The following PCDH15 variants were observed in gnomAD, a reference collection of about 807,000 sequenced individuals.
PCDH15 encodes the protein protocadherin related 15.
Under a neutral mutation model 178.5 loss-of-function variants are expected in PCDH15, and 129 were observed. The ratio of observed to expected loss-of-function variants is 0.72; its 90% CI spans 0.63 to 0.84. PCDH15 has a LOEUF of 0.84. PCDH15 is among the 40% of genes least tolerant of loss of function. The probability of loss-of-function intolerance (pLI) is 0.00; values close to 1 mark genes in which losing one functional copy is unlikely to be tolerated. For synonymous variants in PCDH15, 800 were observed against 732.0 expected, an observed-to-expected ratio of 1.09 and a Z score of -1.50; for missense variants, 2,230 against 2,099.9, an observed-to-expected ratio of 1.06 and a Z score of -1.21.
chr10:54,042,047 T>A (rs1014109509), intron 18 of PCDH15, among the ~76,000 whole-genome samples: 3 of 152,064 alleles, frequency 2.0e-5, no homozygotes, highest in African/African-American at 4.8e-5. Context: ...GCATAATGAC[T>A]TAGATTCAGG....
intron 3 of PCDH15, among the ~76,000 whole-genome samples, chr10:54,524,453 C>A (rs16906240): frequency 0.18 from 26,872 of 152,068 alleles, 2,658 homozygotes; most frequent in East Asian, 0.31. Context: ...ATGAGTGGTT[C>A]CAAAGTATGT....
At chr10:54,303,641 T>C (rs1462239982) in intron 8 of PCDH15, among the ~76,000 whole-genome samples, 5 of 152,118 alleles carry the variant, frequency 3.3e-5, no homozygotes, top group Non-Finnish European at 7.4e-5. Context: ...TAATCAGGTA[T>C]ACACTCTGTA....
intron 25 of PCDH15, among the ~76,000 whole-genome samples, chr10:53,921,428 T>G (rs759737126): frequency 1.3e-5 from 2 of 152,126 alleles, no homozygotes; most frequent in Non-Finnish European, 2.9e-5. Context: ...ACTTCCTCCT[T>G]TATTTTGGCC....
chr10:54,872,345 C>T (rs1220841961), intron 3 of PCDH15, among the ~76,000 whole-genome samples: 3 of 151,898 alleles, frequency 2.0e-5, no homozygotes, highest in African/African-American at 7.2e-5. Flanking sequence ...TGCATAGAAA[C>T]ATTCTGAAAA....
chr10:54,646,420 G>T (rs1213160621), intron 2 of PCDH15, among the ~76,000 whole-genome samples: 4 of 152,046 alleles, frequency 2.6e-5, no homozygotes, highest in Non-Finnish European at 5.9e-5. Context: ...TTTATCCCCA[G>T]AACTTAGCAC....
chr10:54,293,076 G>A (rs2059524459), intron 8 of PCDH15, among the ~76,000 whole-genome samples: 1 of 152,134 alleles, frequency 6.6e-6, no homozygotes, highest in Admixed American at 6.5e-5. Context: ...ATACCACAAA[G>A]CTACAGTAAC....
chr10:54,699,636 C>A (rs1334006015), intron 1 of PCDH15, among the ~76,000 whole-genome samples: 2 of 151,856 alleles, frequency 1.3e-5, no homozygotes, highest in Admixed American at 6.6e-5. Flanking sequence ...AGACTGTTAG[C>A]CTTAAGGACA....
chr10:55,096,563 C>T (rs1329640355), intron 2 of PCDH15, among the ~76,000 whole-genome samples: 2 of 152,034 alleles, frequency 1.3e-5, no homozygotes, highest in African/African-American at 4.8e-5. Context: ...TGCTGTCATC[C>T]TGCTGCATAT....
chr10:54,042,014 A>G (rs2093558484), intron 18 of PCDH15, among the ~76,000 whole-genome samples: 1 of 103,148 alleles, frequency 9.7e-6, no homozygotes, highest in Admixed American at 9.8e-5. Context: ...TTAAGATAGA[A>G]AAAAAATGTT....
chr10:53,890,973 G>A (rs948324342), intron 26 of PCDH15, among the ~76,000 whole-genome samples: 2 of 152,022 alleles, frequency 1.3e-5, no homozygotes, highest in East Asian at 1.9e-4. Flanking sequence ...TCTTCATAAC[G>A]CATTTTAAGG....
chr10:53,822,766 T>G, intron 32 of PCDH15: 1 of 1,613,996 alleles, frequency 6.2e-7, no homozygotes, highest in Middle Eastern at 1.6e-4. Context: ...GAGAGAGATT[T>G]CAACTGTTCT....
chr10:53,807,844 C>T (rs534735334), intron 37 of PCDH15, among the ~76,000 whole-genome samples: 1 of 152,040 alleles, frequency 6.6e-6, no homozygotes, highest in African/African-American at 2.4e-5. Context: ...CTTTTGTAAG[C>T]AACTGGACAT....
At chr10:55,395,786 C>A (rs1274809392) in intron 2 of PCDH15, among the ~76,000 whole-genome samples, 1 of 151,896 alleles carries the variant, frequency 6.6e-6, no homozygotes, top group Non-Finnish European at 1.5e-5. Flanking sequence ...GAAAACTACC[C>A]TCTCTGGGTT....
intron 14 of PCDH15, among the ~76,000 whole-genome samples, chr10:54,144,172 G>A (rs1011113532): frequency 6.6e-6 from 1 of 152,048 alleles, no homozygotes; most frequent in Non-Finnish European, 1.5e-5. Flanking sequence ...GAAATCACCT[G>A]TAGTATGACG....
intron 2 of PCDH15, among the ~76,000 whole-genome samples, chr10:55,399,665 T>C (rs1422434889): frequency 6.6e-6 from 1 of 152,108 alleles, no homozygotes; most frequent in Admixed American, 6.6e-5. Flanking sequence ...GAAAATGGAT[T>C]GAGGCTGTCT....
At chr10:54,629,701 C>G (rs1035638472) in intron 2 of PCDH15, among the ~76,000 whole-genome samples, 37 of 152,116 alleles carry the variant, frequency 2.4e-4, no homozygotes, top group African/African-American at 8.9e-4. Flanking sequence ...TGCCCACTTT[C>G]ACCATTCCTA....
chr10:55,315,013 T>C (rs1308553515), intron 1 of PCDH15, among the ~76,000 whole-genome samples: 1 of 152,134 alleles, frequency 6.6e-6, no homozygotes, highest in Non-Finnish European at 1.5e-5. Context: ...ATCTGTGTAC[T>C]TTGTTCATTT....
chr10:55,135,563 T>C (rs986025809), intron 2 of PCDH15, among the ~76,000 whole-genome samples: 1 of 147,036 alleles, frequency 6.8e-6, no homozygotes, highest in Admixed American at 7.0e-5. Flanking sequence ...ATAAAGCTTT[T>C]TCTTTTCTTT....
At chr10:54,455,754 C>A (rs2076777179) in intron 3 of PCDH15, among the ~76,000 whole-genome samples, 1 of 152,156 alleles carries the variant, frequency 6.6e-6, no homozygotes, top group African/African-American at 2.4e-5. Flanking sequence ...CCTCCCATCA[C>A]AGGCCTGAAG....
Sources: allele counts gnomAD v4.1 joint callset (sites outside exome capture counted in the v4.1 genomes callset), GRCh38; gene constraint gnomAD v4.1.1; transcripts MANE v1.5; gene names NCBI Gene and HGNC (gene_info 2026-07-23, HGNC 2026-07-21).